Variants in NCOR1 observed in about 807,000 individuals in gnomAD.
NCOR1 encodes the protein protein phosphatase 1, regulatory subunit 109.
A neutral mutation model predicts 288.1 loss-of-function variants in NCOR1; 63 were observed. That is an observed-to-expected ratio of 0.22 (90% CI 0.18 to 0.27). The LOEUF (loss-of-function observed/expected upper bound fraction) is 0.27. Ranked by LOEUF, NCOR1 falls within the 10% of genes least tolerant of loss-of-function variation. The probability of loss-of-function intolerance (pLI) is 1.00; values close to 1 mark genes in which losing one functional copy is unlikely to be tolerated. For synonymous variants in NCOR1, 1,007 were observed against 1,065.9 expected (o/e 0.94, Z 1.08); for missense variants, 2,397 against 3,019.2 (o/e 0.79, Z 4.83).
rs2078688461 is a variant in NCOR1, at chr17:16,150,576, A to C, written c.843-1059T>G. Among the ~76,000 whole-genome samples the C allele has an allele frequency of 2.6e-5, 4 of 152,220 alleles. No individual in the cohort carries two copies. The South Asian group carries it at 8.3e-4, about 32-fold the overall frequency. ...AATGAAGTCAGCCAGTCAGTAGTCC[A>C]TCTAGGATAGTGTGCTGAGCACTAA... is the stretch of plus-strand genomic sequence containing the variant. On this transcript the variant is annotated intron_variant, in intron 8 of 45. Coordinates refer to ENST00000268712, the MANE Select transcript of NCOR1 (RefSeq NM_006311.4).
intron 2 of NCOR1, among the ~76,000 whole-genome samples, 191 bp from the exon 3 acceptor site, chr17:16,186,878 C>G (rs1045451545): frequency 2.0e-5 from 3 of 151,968 alleles, no homozygotes; most frequent in Non-Finnish European, 4.4e-5. Context: ...TTAAAAAAAT[C>G]CAAAATGAAA....
chr17:16,124,230 A>T (rs2073582976), intron 15 of NCOR1, among the ~76,000 whole-genome samples: 1 of 152,232 alleles, frequency 6.6e-6, no homozygotes, highest in Non-Finnish European at 1.5e-5. Flanking sequence ...GATATAACAT[A>T]ATAAATATTA....
chr17:16,031,134 T>G lies in NCOR1; in HGVS notation c.*1162A>C, dbSNP rs919421308. On this transcript the variant is annotated 3_prime_UTR_variant, in exon 46 of 46. Transcript: ENST00000268712. ...TTCAGTCTTTTAAATTATTTGCACC[T>G]TGAGACTCTGTGAAATGAAAACATT... The G allele has an allele frequency of 5.1e-6, 1 of 195,316 alleles. No individual in the cohort carries two copies. 12.1% of individuals were successfully genotyped at this position (195,316 alleles called of 1,614,324 possible).
At position 16,165,159 on chromosome 17, in the gene NCOR1, A is replaced by C. The variant is rs767545851; in HGVS notation, c.438T>G (p.Asp146Glu). The C allele has an allele frequency of 6.3e-7, 1 of 1,589,284 alleles. No homozygotes were observed. The highest frequency in any genetic ancestry group is 1.9e-5 in the Admixed American group (1 of 52,212). Reference sequence around the variant, plus strand: ...CTTCATGTTTGCCTCCGAATGCTGGATCCTTTAGAGAATAAAACCAAGAAA... The same window carrying C: ...CTTCATGTTTGCCTCCGAATGCTGGCTCCTTTAGAGAATAAAACCAAGAAA... The part of the protein sequence containing the change: ...GLRASADAKK[D>E]PAFGGKHEAP... Residue 146 changes from aspartate (D) to glutamate (E), a missense_variant and splice_region_variant, in exon 5 of 46, where the codon GAT (aspartate) becomes GAG (glutamate). Asp to Glu is a conservative substitution (Grantham distance 45). Transcript: ENST00000268712.
chr17:16,044,255 T>C (rs559732384), intron 42 of NCOR1, among the ~76,000 whole-genome samples: 13 of 152,238 alleles, frequency 8.5e-5, no homozygotes, highest in Non-Finnish European at 1.6e-4. Flanking sequence ...TATTTGTCTT[T>C]TATTTTGTTG....
chr17:16,041,511 T>C (rs1429495028), intron 42 of NCOR1, among the ~76,000 whole-genome samples: 1 of 148,242 alleles, frequency 6.7e-6, no homozygotes, highest in Non-Finnish European at 1.5e-5. Flanking sequence ...CCTCCTGGGT[T>C]CAAGCAGTTC....
In NCOR1 at chr17:16,149,699, G is replaced by A. The variant is rs78177726; in HGVS notation, c.843-182C>T. Among the ~76,000 whole-genome samples, 350 of 152,134 alleles carry A rather than the reference G, an allele frequency of 2.3e-3. 1 individual carries two copies. The highest frequency in any genetic ancestry group is 8.2e-3 in the African/African-American group (339 of 41,524). ...GATTTTATAACTTTTGCAAAAATTAGAACTGACTAAAGTTCCTCCCATTCT... is the reference window on the plus strand; with the variant it reads ...GATTTTATAACTTTTGCAAAAATTAAAACTGACTAAAGTTCCTCCCATTCT... On this transcript the variant is annotated intron_variant, in intron 8 of 45. Coordinates refer to ENST00000268712, the MANE Select transcript of NCOR1 (RefSeq NM_006311.4).
At chr17:16,142,112 A>G (rs2077245643) in intron 11 of NCOR1, among the ~76,000 whole-genome samples, 1 of 152,156 alleles carries the variant, frequency 6.6e-6, no homozygotes, top group Non-Finnish European at 1.5e-5. Context: ...AACCAACAAT[A>G]CCCATAGAAA....
At chr17:16,166,294 C>T (rs2081987614) in intron 4 of NCOR1, among the ~76,000 whole-genome samples, 1 of 152,180 alleles carries the variant, frequency 6.6e-6, no homozygotes, top group African/African-American at 2.4e-5. Context: ...CAATCTTTGG[C>T]AGCTTTAAGC....
intron 18 of NCOR1, among the ~76,000 whole-genome samples, chr17:16,112,431 A>G (rs2070472195): frequency 1.3e-5 from 2 of 152,226 alleles, no homozygotes; most frequent in African/African-American, 2.4e-5. Flanking sequence ...TCACACTTTA[A>G]TAATTCTCAA....
At chr17:16,181,359 T>C (rs1175946468) in intron 3 of NCOR1, among the ~76,000 whole-genome samples, 2 of 144,150 alleles carry the variant, frequency 1.4e-5, no homozygotes, top group Non-Finnish European at 3.0e-5. Context: ...AAAATAAAAA[T>C]ATTGCATGAT....
At chr17:16,119,711 C>T (rs3815037) in intron 16 of NCOR1, among the ~76,000 whole-genome samples, 4,296 of 152,244 alleles carry the variant, frequency 0.028, 139 homozygotes, top group African/African-American at 0.074. Flanking sequence ...AAGTTCTCTT[C>T]ATGTCTACAT....
chr17:16,098,594 T>C, intron 20 of NCOR1, 98 bp from the exon 21 acceptor site: 2 of 1,047,444 alleles, frequency 1.9e-6, no homozygotes, highest in South Asian at 3.2e-5. Context: ...TACATACACA[T>C]GCACACATGG....
intron 3 of NCOR1, among the ~76,000 whole-genome samples, chr17:16,173,689 G>A (rs2083527157): frequency 6.6e-6 from 1 of 152,106 alleles, no homozygotes; most frequent in African/African-American, 2.4e-5. Flanking sequence ...CAGCAGTTTG[G>A]GAGGCCGGGG....
chr17:16,167,674 A>C (rs1323145814), intron 4 of NCOR1, among the ~76,000 whole-genome samples: 3 of 151,934 alleles, frequency 2.0e-5, no homozygotes, highest in Admixed American at 6.6e-5. Context: ...AGCCTGGCCA[A>C]CATGGTAAAA....
intron 44 of NCOR1, among the ~76,000 whole-genome samples, chr17:16,035,397 G>A (rs1974152187): frequency 6.6e-6 from 1 of 152,080 alleles, no homozygotes; most frequent in South Asian, 2.1e-4. Context: ...AGCATCTTCA[G>A]GGGCAGATTC....
intron 2 of NCOR1, among the ~76,000 whole-genome samples, chr17:16,190,965 C>T (rs901806159): frequency 2.0e-5 from 3 of 152,184 alleles, no homozygotes; most frequent in African/African-American, 4.8e-5. Context: ...TCATGTCCCA[C>T]AATCACAGTC....
At chr17:16,188,787 G>A (rs1029158454) in intron 2 of NCOR1, among the ~76,000 whole-genome samples, 2 of 152,046 alleles carry the variant, frequency 1.3e-5, no homozygotes, top group African/African-American at 4.8e-5. Flanking sequence ...CACTTTGGGA[G>A]GCCAAGGCAG....
At chr17:16,111,921 G>C (rs2070309287) in intron 18 of NCOR1, among the ~76,000 whole-genome samples, 1 of 152,004 alleles carries the variant, frequency 6.6e-6, no homozygotes, top group Admixed American at 6.6e-5. Context: ...CCAGGCTGGA[G>C]TGCAGTGGCG....
Sources: allele counts gnomAD v4.1 joint callset (sites outside exome capture counted in the v4.1 genomes callset), GRCh38; gene constraint gnomAD v4.1.1; transcripts MANE v1.5; gene names NCBI Gene and HGNC (gene_info 2026-07-23, HGNC 2026-07-21).